Variants in RBPJ observed in about 807,000 individuals in gnomAD.
RBPJ encodes recombination signal binding protein for immunoglobulin kappa J region.
A neutral mutation model predicts 67.8 loss-of-function variants in RBPJ; 9 were observed. The observed-to-expected ratio is 0.13, with a 90% confidence interval of 0.08 to 0.23. RBPJ has a LOEUF of 0.23. Ranked by LOEUF, RBPJ falls within the 10% of genes least tolerant of loss-of-function variation. The probability of loss-of-function intolerance (pLI) is 1.00; values close to 1 mark genes in which losing one functional copy is unlikely to be tolerated. For missense variants in RBPJ, 305 were observed against 595.6 expected, an observed-to-expected ratio of 0.51 and a Z score of 5.08; for synonymous variants, 198 against 203.3, an observed-to-expected ratio of 0.97 and a Z score of 0.22.
At chr4:26,386,658 G>A (rs748990005) in intron 2 of RBPJ, among the ~76,000 whole-genome samples, 54 of 152,304 alleles carry the variant, frequency 3.5e-4, no homozygotes, top group South Asian at 8.3e-4. Flanking sequence ...ATGGACGGCA[G>A]TGCAGGTAGC....
chr4:26,214,712 G>GA (rs1560213877), intron 1 of RBPJ, among the ~76,000 whole-genome samples: 2,270 of 43,804 alleles, frequency 0.052, 105 homozygotes, highest in African/African-American at 0.25. Context: ...AAGGAAGGAA[G>GA]GAGAGAGAGA....
intron 2 of RBPJ, among the ~76,000 whole-genome samples, chr4:26,392,818 CAATA>C (rs1176049476): frequency 6.6e-6 from 1 of 152,174 alleles, no homozygotes; most frequent in Non-Finnish European, 1.5e-5. Flanking sequence ...AATTAAATCT[CAATA>C]AAGCTGTTAA....
At chr4:26,160,543 G>A (rs1359006869), upstream of RBPJ, among the ~76,000 whole-genome samples, 1 of 152,188 alleles carries the variant, frequency 6.6e-6, no homozygotes, top group African/African-American at 2.4e-5. Flanking sequence ...TAATGATGCA[G>A]TAACAAACAC....
In RBPJ at chr4:26,432,469, G is replaced by GA. The variant is rs1245764474; in HGVS notation, c.*1466dup. The GA allele has an allele frequency of 6.6e-6, 1 of 152,120 alleles. No individual in the cohort carries two copies. Among genetic ancestry groups the GA allele is most frequent in the Non-Finnish European group, 1.5e-5 (1 of 68,016 alleles). 9.4% of individuals were successfully genotyped at this position (152,120 alleles called of 1,614,324 possible). A position where few individuals can be genotyped will look rare whatever the true frequency, so the allele number is the denominator to read the frequency against. ...ATCTCCACAAATGTCTCCTAACTCAGAAAATGTTTCTTTTCTTTTCAGTTG... is the reference window on the plus strand; with the variant it reads ...ATCTCCACAAATGTCTCCTAACTCAGAAAAATGTTTCTTTTCTTTTCAGTTG... On this transcript the variant is annotated 3_prime_UTR_variant, in exon 11 of 11. Coordinates refer to ENST00000355476, the MANE Select transcript of RBPJ (RefSeq NM_015874.6).
At chr4:26,231,263 C>T (rs1210071136) in intron 1 of RBPJ, among the ~76,000 whole-genome samples, 3 of 152,116 alleles carry the variant, frequency 2.0e-5, no homozygotes, top group African/African-American at 4.8e-5. Context: ...TTTAGCTGGG[C>T]GATTAGCTTG....
At chr4:26,284,281 T>C (rs1448808093) in intron 1 of RBPJ, among the ~76,000 whole-genome samples, 1 of 152,206 alleles carries the variant, frequency 6.6e-6, no homozygotes, top group Non-Finnish European at 1.5e-5. Context: ...ACAGCTTCTT[T>C]GTTGCATTTT....
chr4:26,301,023 T>TA lies in RBPJ; in HGVS notation c.-166-61422dup, dbSNP rs1176355225. 1.2e-4 allele frequency among the ~76,000 whole-genome samples: 19 copies of TA among 152,320 alleles called. No homozygotes were observed. The South Asian group carries it at 1.7e-3, about 13-fold the overall frequency. ...TTCACAGTTAATTTCTTAAGAAAGT[T>TA]ACAGATGAACACCCTAAAACATCCA... On this transcript the variant is annotated intron_variant, in intron 1 of 4. Transcript: ENST00000512351.
rs552106360 is a variant in RBPJ, at chr4:26,348,102, C to T, written c.20+27054C>T. 1.4e-3 allele frequency among the ~76,000 whole-genome samples: 211 copies of T among 152,084 alleles called. 1 individual carries two copies. Among genetic ancestry groups the T allele is most frequent in the African/African-American group, 4.8e-3 (200 of 41,462 alleles). The stretch of plus-strand genomic sequence containing the variant: ...TCAGCCTCCTGAGTAGCTGGGATTA[C>T]AGGCACACGCTACCACGCCTGGCTA... On this transcript the variant is annotated intron_variant, in intron 1 of 10. Transcript: ENST00000355476.
upstream of RBPJ, chr4:26,320,672 C>T: frequency 6.8e-7 from 1 of 1,470,362 alleles, no homozygotes; most frequent in Non-Finnish European, 9.1e-7. Flanking sequence ...TCCTCGTCCC[C>T]GTAGTAATCC....
At chr4:26,133,697 G>T in the RBPJ span, among the ~76,000 whole-genome samples, 1 of 152,122 alleles carries the variant, frequency 6.6e-6, no homozygotes, top group Non-Finnish European at 1.5e-5. Flanking sequence ...TCTAACTAGT[G>T]CCTGATGATC....
chr4:26,314,241 G>A (rs1018019938), intron 1 of RBPJ, among the ~76,000 whole-genome samples: 4 of 151,700 alleles, frequency 2.6e-5, no homozygotes, highest in Admixed American at 2.6e-4. Context: ...TTCATTCTAT[G>A]TATAATTTAA....
intron 2 of RBPJ, among the ~76,000 whole-genome samples, chr4:26,391,494 T>A (rs572781755): frequency 2.0e-5 from 3 of 152,272 alleles, no homozygotes; most frequent in African/African-American, 7.2e-5. Context: ...AGTCTATACA[T>A]AGTACCATAT....
At chr4:26,337,328 T>C (rs894129274) in intron 1 of RBPJ, among the ~76,000 whole-genome samples, 1 of 152,204 alleles carries the variant, frequency 6.6e-6, no homozygotes, top group African/African-American at 2.4e-5. Flanking sequence ...TGTAAATGCG[T>C]ACATAATCTT....
chr4:26,274,753 T>C (rs1049719024), intron 1 of RBPJ, among the ~76,000 whole-genome samples: 1 of 152,100 alleles, frequency 6.6e-6, no homozygotes, highest in African/African-American at 2.4e-5. Context: ...CTGCTCAACA[T>C]GGCAAAACCT....
intron 1 of RBPJ, among the ~76,000 whole-genome samples, chr4:26,376,785 A>G (rs11727747): frequency 0.5 from 75,823 of 151,932 alleles, 20,137 homozygotes; most frequent in Admixed American, 0.62. Flanking sequence ...ATCCTTGCCA[A>G]CCCTTGTTAC....
Position 26,290,244 on chromosome 4 carries a change from C to T in RBPJ, c.-166-72202C>T, listed in dbSNP as rs1409537916. ...GTCCTAGCTACTTGGAAGACTGTGA[C>T]AGGAGGTTCACTTGAGCTCAGGAGT... On this transcript the variant is annotated intron_variant, in intron 1 of 4. Coordinates refer to the RBPJ transcript ENST00000512351. 2.8e-5 allele frequency among the ~76,000 whole-genome samples: 4 copies of T among 142,738 alleles called. 1 individual carries two copies. The highest frequency in any genetic ancestry group is 6.1e-5 in the Non-Finnish European group (4 of 66,094). 93.6% of individuals were successfully genotyped at this position (142,738 alleles called of 152,430 possible).
In RBPJ at chr4:26,213,416, C is replaced by T. The variant is rs563998419; in HGVS notation, c.-167+49802C>T. 3.9e-5 allele frequency among the ~76,000 whole-genome samples: 6 copies of T among 152,126 alleles called. No homozygotes were observed. In the South Asian group the frequency reaches 1.2e-3, roughly 32 times the overall value. ...TTTTTTCCTCTAAGAATAAGCCTGGCTTAGGAAAATGAGAAGGGGTCAGGT... is the reference window on the plus strand; with the variant it reads ...TTTTTTCCTCTAAGAATAAGCCTGGTTTAGGAAAATGAGAAGGGGTCAGGT... On this transcript the variant is annotated intron_variant, in intron 1 of 4. Transcript: ENST00000512351.
In RBPJ at chr4:26,424,300, T is replaced by G. The variant is rs1400048954; in HGVS notation, c.497-42T>G. 1.2e-6 allele frequency: 2 copies of G among 1,600,188 alleles called. No homozygotes were observed. Among genetic ancestry groups the G allele is most frequent in the Non-Finnish European group, 1.7e-6 (2 of 1,171,072 alleles). On this transcript the variant is annotated intron_variant, in intron 5 of 10. Transcript: ENST00000355476. The surrounding 1 kb of genome is among the most constrained non-coding windows in gnomAD (Gnocchi z 5.3). Reference sequence around the variant, plus strand: ...TCCTTCTTTTGCTCCCTCCCCACCTTCTGCTCCAATCACATAAATAAGAGC... The same window carrying G: ...TCCTTCTTTTGCTCCCTCCCCACCTGCTGCTCCAATCACATAAATAAGAGC...
chr4:26,306,028 CACCCACCT>C (rs1373817949), intron 1 of RBPJ, among the ~76,000 whole-genome samples: 1 of 81,658 alleles, frequency 1.2e-5, no homozygotes, highest in Non-Finnish European at 2.5e-5. Flanking sequence ...TCAGGTGATC[CACCCACCT>C]AGCCTCCCAA....
Sources: allele counts gnomAD v4.1 joint callset (sites outside exome capture counted in the v4.1 genomes callset), GRCh38; gene constraint gnomAD v4.1.1; non-coding constraint Gnocchi (gnomAD v3.1); transcripts MANE v1.5; gene names NCBI Gene and HGNC (gene_info 2026-07-23, HGNC 2026-07-21).